The following TMEM135 variants were observed in gnomAD, a reference collection of about 807,000 sequenced individuals.
TMEM135 encodes the protein peroxisomal membrane protein 52.
Under a neutral mutation model 60.3 loss-of-function variants are expected in TMEM135, and 30 were observed. That is an observed-to-expected ratio of 0.50 (90% CI 0.37 to 0.68). The LOEUF is 0.68. Ranked by LOEUF, TMEM135 falls within the 30% of genes least tolerant of loss-of-function variation. The pLI is 0.00. For missense variants in TMEM135, 468 were observed against 548.8 expected (o/e 0.85, Z 1.47); for synonymous variants, 190 against 186.7 (o/e 1.02, Z -0.14).
At chr11:87,216,599 G>C (rs186366431) in intron 5 of TMEM135, among the ~76,000 whole-genome samples, 1 of 152,050 alleles carries the variant, frequency 6.6e-6, no homozygotes, top group African/African-American at 2.4e-5. Flanking sequence ...AAGTTTTGCA[G>C]GTCTGGTTTT....
intron 4 of TMEM135, among the ~76,000 whole-genome samples, chr11:87,107,668 G>A (rs1857633539): frequency 6.6e-6 from 1 of 152,116 alleles, no homozygotes; most frequent in Non-Finnish European, 1.5e-5. Context: ...TATCATTAAT[G>A]GACATTTGGG....
intron 4 of TMEM135, among the ~76,000 whole-genome samples, chr11:87,123,717 GC>G (rs1297476866): frequency 6.6e-6 from 1 of 152,172 alleles, no homozygotes; most frequent in Non-Finnish European, 1.5e-5. Flanking sequence ...AGCCAGAGTT[GC>G]CTTTTTATTT....
intron 5 of TMEM135, among the ~76,000 whole-genome samples, chr11:87,222,066 C>G (rs1427687845): frequency 1.3e-5 from 2 of 149,736 alleles, no homozygotes; most frequent in Admixed American, 6.8e-5. Flanking sequence ...CCTGTAATCC[C>G]AGCTACTCAG....
At chr11:87,247,735 C>T (rs192503657) in intron 6 of TMEM135, among the ~76,000 whole-genome samples, 1 of 152,044 alleles carries the variant, frequency 6.6e-6, no homozygotes, top group Non-Finnish European at 1.5e-5. Context: ...TGGGAGTGAC[C>T]CGATTTTCCA....
chr11:87,295,130 G>A (rs552299707), intron 6 of TMEM135, among the ~76,000 whole-genome samples: 24 of 152,236 alleles, frequency 1.6e-4, no homozygotes, highest in Admixed American at 6.5e-4. Context: ...TTAGTGATAT[G>A]ATTAAATGAG....
At chr11:87,129,009 T>G (rs1435273358) in intron 4 of TMEM135, among the ~76,000 whole-genome samples, 2 of 111,982 alleles carry the variant, frequency 1.8e-5, no homozygotes, top group Non-Finnish European at 3.8e-5. Flanking sequence ...TAAGGTTTTT[T>G]TTTTTGTTTT....
intron 4 of TMEM135, among the ~76,000 whole-genome samples, chr11:87,141,450 A>T (rs1938259961): frequency 6.6e-6 from 1 of 152,184 alleles, no homozygotes; most frequent in African/African-American, 2.4e-5. Flanking sequence ...TGAGTTTGCT[A>T]AACTTATGAC....
At chr11:87,133,799 CT>C (rs36070851) in intron 4 of TMEM135, among the ~76,000 whole-genome samples, 72,368 of 151,852 alleles carry the variant, frequency 0.48, 17,541 homozygotes, top group East Asian at 0.67. Flanking sequence ...TACATACTCT[CT>C]TTTTTTATCT....
chr11:87,045,788 G>A (rs1949790735), intron 1 of TMEM135, among the ~76,000 whole-genome samples: 1 of 152,148 alleles, frequency 6.6e-6, no homozygotes, highest in Non-Finnish European at 1.5e-5. Context: ...AAATATTGAT[G>A]AAATATATGG....
At chr11:87,074,229 G>T (rs1856827941) in intron 3 of TMEM135, among the ~76,000 whole-genome samples, 1 of 152,184 alleles carries the variant, frequency 6.6e-6, no homozygotes, top group Non-Finnish European at 1.5e-5. Flanking sequence ...GCCCCCCAAA[G>T]TTTTGGGATT....
rs550259369 is a variant in TMEM135 at position 87,233,160 on chromosome 11, G to A, written c.463-3478G>A. Among the ~76,000 whole-genome samples the A allele has an allele frequency of 4.0e-5, 6 of 151,678 alleles. No homozygotes were observed. In the South Asian group the frequency reaches 1.0e-3, roughly 26 times the overall value. On this transcript the variant is annotated intron_variant, in intron 5 of 14. Coordinates refer to ENST00000305494, the MANE Select transcript of TMEM135 (RefSeq NM_022918.4). ...GTGAGAGTCCGTCTCAAAAAACAAAGCAAAACAGAACAAAAACTCAGTTAA... is the reference window on the plus strand; with the variant it reads ...GTGAGAGTCCGTCTCAAAAAACAAAACAAAACAGAACAAAAACTCAGTTAA...
Position 87,044,679 on chromosome 11 carries a change from C to T in TMEM135, c.141+6493C>T, listed in dbSNP as rs140034097. Among the ~76,000 whole-genome samples, 463 of 152,224 alleles carry T rather than the reference C, an allele frequency of 3.0e-3. 2 individuals carry two copies. The highest frequency in any genetic ancestry group is 5.2e-3 in the Non-Finnish European group (352 of 68,014). ...TTTATTTATTTATTTGAGACAGAGT[C>T]TTGCTCTGTCGCCCAGGCTGGAGTG... On this transcript the variant is annotated intron_variant, in intron 1 of 14. Coordinates refer to ENST00000305494, the MANE Select transcript of TMEM135 (RefSeq NM_022918.4).
chr11:87,247,972 G>T (rs1941325761), intron 6 of TMEM135, among the ~76,000 whole-genome samples: 1 of 151,638 alleles, frequency 6.6e-6, no homozygotes, highest in Non-Finnish European at 1.5e-5. Context: ...GCTTTAGACT[G>T]GAGCTGTTCC....
intron 4 of TMEM135, among the ~76,000 whole-genome samples, chr11:87,097,752 GCT>G (rs1192643807): frequency 2.0e-5 from 3 of 152,072 alleles, no homozygotes; most frequent in Non-Finnish European, 4.4e-5. Context: ...CTTGCTGTTC[GCT>G]CTGTTTTGAG....
chr11:87,175,166 C>A (rs1458108138), intron 5 of TMEM135, among the ~76,000 whole-genome samples: 1 of 152,118 alleles, frequency 6.6e-6, no homozygotes, highest in African/African-American at 2.4e-5. Flanking sequence ...TTTCAGTTCT[C>A]CAATTCCATG....
intron 1 of TMEM135, among the ~76,000 whole-genome samples, chr11:87,055,267 G>GAGAAATAAGAAGCAATTACTA (rs1292047710): frequency 6.6e-6 from 1 of 152,134 alleles, no homozygotes; most frequent in Non-Finnish European, 1.5e-5. Context: ...GACAAATCAA[G>GAGAAATAAGAAGCAATTACTA]AGAAATAAGA....
intron 3 of TMEM135, among the ~76,000 whole-genome samples, chr11:87,084,604 T>A (rs1289169999): frequency 6.6e-6 from 1 of 152,204 alleles, no homozygotes; most frequent in Non-Finnish European, 1.5e-5. Flanking sequence ...GCTGCAATTG[T>A]TCTTAATACT....
intron 14 of TMEM135, 81 bp from the exon 15 acceptor site, chr11:87,321,120 C>T (rs954512863): frequency 1.5e-6 from 2 of 1,322,940 alleles, no homozygotes; most frequent in African/African-American, 3.0e-5. Context: ...TCCCATCCCA[C>T]ATAAGATAAG....
chr11:87,240,552 T>C (rs1941107221), intron 6 of TMEM135, among the ~76,000 whole-genome samples: 1 of 152,100 alleles, frequency 6.6e-6, no homozygotes, highest in East Asian at 1.9e-4. Context: ...ATCAGTTTCT[T>C]TTGATTACTA....
Sources: gnomAD v4.1 joint callset for allele counts (sites outside exome capture counted in the v4.1 genomes callset) on GRCh38, gnomAD v4.1.1 for gene constraint, MANE v1.5 for transcripts, NCBI Gene and HGNC (gene_info 2026-07-23, HGNC 2026-07-21) for gene names.